Variants in MANEAL observed in about 807,000 individuals in gnomAD.
MANEAL encodes the protein glycoprotein endo-alpha-1,2-mannosidase-like protein.
Under a neutral mutation model 35.9 loss-of-function variants are expected in MANEAL, and 28 were observed. That is an observed-to-expected ratio of 0.78 (90% CI 0.58 to 1.07). The LOEUF is 1.07. Among genes scored for constraint, MANEAL ranks in the 50% least tolerant of loss-of-function variants. MANEAL has a pLI of 0.00. For synonymous variants in MANEAL, 286 were observed against 272.2 expected (o/e 1.05, Z -0.50); for missense variants, 576 against 629.6 (o/e 0.91, Z 0.91).
Position 37,799,541 on chromosome 1 carries a change from C to T in MANEAL, c.738-26C>T. ...AGCTGTGCTGGTCTCTCCCATCCAG[C>T]TGAGGCTCTTCTTTCTCCTTCTCAG... On this transcript the variant is annotated intron_variant, in intron 3 of 3. Transcript: ENST00000373045. The surrounding 1 kb of genome is among the most constrained non-coding windows in gnomAD (Gnocchi z 4.1). The T allele has an allele frequency of 6.2e-7, 1 of 1,603,004 alleles. No individual in the cohort carries two copies. Among genetic ancestry groups the T allele is most frequent in the Non-Finnish European group, 8.5e-7 (1 of 1,174,424 alleles).
rs1423507602 is a variant in MANEAL at position 37,795,696 on chromosome 1, G to T, written c.551-41G>T. The T allele has an allele frequency of 6.2e-6, 10 of 1,613,204 alleles. No homozygotes were observed. In the Admixed American group the frequency reaches 8.3e-5, roughly 13 times the overall value. On this transcript the variant is annotated intron_variant, in intron 1 of 3. Transcript: ENST00000373045. ...AGGAAAAAAATCTCTGTTGAGGGGGGTACTGTGTGTCTCTGAAGTGGCCTC... is the reference window on the plus strand; with the variant it reads ...AGGAAAAAAATCTCTGTTGAGGGGGTTACTGTGTGTCTCTGAAGTGGCCTC...
intron 2 of MANEAL, 33 bp downstream of exon 2, chr1:37,795,879 G>A: frequency 6.3e-7 from 1 of 1,586,998 alleles, no homozygotes; most frequent in Non-Finnish European, 8.7e-7. Context: ...CGTGCTCTCT[G>A]CCCTATTCTG....
chr1:37,798,354 TAG>T (rs1646663994), intron 3 of MANEAL, among the ~76,000 whole-genome samples: 1 of 152,200 alleles, frequency 6.6e-6, no homozygotes, highest in South Asian at 2.1e-4. Flanking sequence ...GATTTTGTGC[TAG>T]AGTGTGCCCA....
intron 2 of MANEAL, 114 bp from the exon 3 acceptor site, chr1:37,796,630 C>T: frequency 2.0e-6 from 2 of 1,004,544 alleles, no homozygotes; most frequent in South Asian, 3.1e-5. Context: ...CCACCACTGC[C>T]AGGCCCTCTT....
Position 37,794,315 on chromosome 1 carries a change from G to C in MANEAL, c.133G>C (p.Ala45Pro). 1 of 1,157,566 alleles carries C rather than the reference G, an allele frequency of 8.6e-7. No homozygotes were observed. Among genetic ancestry groups the C allele is most frequent in the Non-Finnish European group, 1.1e-6 (1 of 936,656 alleles). The allele number at this position is 1,157,566 out of a possible 1,614,324, so 71.7% of individuals were successfully genotyped here. ...GGCGCTGGGCCCGGGCCTGGAGCTG[G>C]CGCCCTTTGAGCGACGCCCAGAGGG... ...LPALGPGLELAPFERRPEGAP... is the reference protein window; with the variant it reads ...LPALGPGLELPPFERRPEGAP... The change falls in exon 1 of 4, where the codon GCG becomes CCG. Residue 45 changes from alanine to proline, a missense_variant. By Grantham distance (27) the Ala-to-Pro change is conservative (BLOSUM62 -1). Coordinates refer to ENST00000373045, the MANE Select transcript of MANEAL (RefSeq NM_001113482.2). This position sits in a 1 kb window ranked among gnomAD's most constrained non-coding sequence, Gnocchi z 5.7.
At chr1:37,796,959 G>A (rs1646650667) in intron 3 of MANEAL, 139 bp downstream of exon 3, 10 of 838,002 alleles carry the variant, frequency 1.2e-5, no homozygotes, top group Admixed American at 2.4e-5. Flanking sequence ...GAGAGTACTG[G>A]GCCTAAAGTC....
At position 37,794,169 on chromosome 1, in the gene MANEAL, G is replaced by C; in HGVS notation, c.-14G>C. ...GGGAGGTAGCGCGGCGGCTGCAGGA[G>C]CGCACAGTCGGCCATGGCCCGGCGG... On this transcript the variant is annotated 5_prime_UTR_variant, in exon 1 of 4. Transcript: ENST00000373045. The surrounding 1 kb of genome is among the most constrained non-coding windows in gnomAD (Gnocchi z 5.7). The C allele has an allele frequency of 8.2e-7, 1 of 1,219,580 alleles. No individual in the cohort carries two copies. Among genetic ancestry groups the C allele is most frequent in the South Asian group, 2.1e-5 (1 of 48,282 alleles). The allele number at this position is 1,219,580 out of a possible 1,614,324, so 75.5% of individuals were successfully genotyped here.
At position 37,795,847 on chromosome 1, in the gene MANEAL, G is replaced by C. The variant is rs751236333; in HGVS notation, c.660+1G>C. On this transcript the variant is annotated splice_donor_variant, in intron 2 of 3. Transcript: ENST00000373045. LOFTEE classifies it high-confidence loss of function. ...CACCGCCCATCAGTACAGCATCCAG[G>C]TGAGTCTCCAAGAAGAGGCCACGTG... The C allele has an allele frequency of 6.2e-7, 1 of 1,613,646 alleles. No individual in the cohort carries two copies. Among genetic ancestry groups the C allele is most frequent in the South Asian group, 1.1e-5 (1 of 91,074 alleles).
At chr1:37,796,877 G>A in intron 3 of MANEAL, 57 bp downstream of exon 3, 1 of 1,520,528 alleles carries the variant, frequency 6.6e-7, no homozygotes, top group Non-Finnish European at 9.0e-7. Context: ...GGTAGGGATA[G>A]AAGGTTTGGA....
rs1436386474 is a variant in MANEAL, at chr1:37,800,468, G to A, written c.*265G>A. On this transcript the variant is annotated 3_prime_UTR_variant, in exon 4 of 4. Transcript: ENST00000373045. ...AGCCCAGGGCAGCTCCACATCCTGG[G>A]AACACTTTCATGTAACCCCTTCTAG... is the stretch of plus-strand genomic sequence containing the variant. 2 of 537,464 alleles carry A rather than the reference G, an allele frequency of 3.7e-6. No homozygotes were observed. The highest frequency in any genetic ancestry group is 6.4e-5 in the East Asian group (2 of 31,430). 33.3% of individuals were successfully genotyped at this position (537,464 alleles called of 1,614,324 possible).
rs1646695631 is a variant in MANEAL at position 37,801,111 on chromosome 1, T to G, written c.*908T>G. 1 of 152,608 alleles carries G rather than the reference T, an allele frequency of 6.6e-6. No individual in the cohort carries two copies. The highest frequency in any genetic ancestry group is 2.1e-4 in the South Asian group (1 of 4,832). 9.5% of individuals were successfully genotyped at this position (152,608 alleles called of 1,614,324 possible). On this transcript the variant is annotated 3_prime_UTR_variant, in exon 4 of 4. Coordinates refer to ENST00000373045, the MANE Select transcript of MANEAL (RefSeq NM_001113482.2). ...CAGTGCTACTGTGATTAGTAGTAAT[T>G]AAATATGAACTGGTATTCTCAAGTA...
chr1:37,795,370 C>T (rs1646636454), intron 1 of MANEAL: 1 of 440,040 alleles, frequency 2.3e-6, no homozygotes, highest in Non-Finnish European at 3.2e-6. Flanking sequence ...GCTCAGGGCT[C>T]TTCTCCATGC....
intron 1 of MANEAL, 49 bp from the exon 2 acceptor site, chr1:37,795,688 T>C: frequency 6.2e-7 from 1 of 1,610,628 alleles, no homozygotes. Context: ...AAATCTCTGT[T>C]GAGGGGGGTA....
chr1:37,796,667 T>C, intron 2 of MANEAL, 77 bp from the exon 3 acceptor site: 1 of 1,335,856 alleles, frequency 7.5e-7, no homozygotes. Context: ...CTCCAGGCCA[T>C]GGTTAGATCC....
Position 37,799,874 on chromosome 1 carries a change from G to T in MANEAL, c.1045G>T (p.Ala349Ser), listed in dbSNP as rs781768866. The T allele has an allele frequency of 6.2e-7, 1 of 1,614,216 alleles. No homozygotes were observed. Among genetic ancestry groups the T allele is most frequent in the South Asian group, 1.1e-5 (1 of 91,084 alleles). ...NWKAVKNFCD[A>S]NNLMFIPSVG... is the part of the protein sequence containing the mutation. ...GAAAGCTGTGAAGAACTTTTGTGAT[G>T]CCAACAACCTCATGTTCATCCCCAG... The change falls in exon 4 of 4, where the codon GCC becomes TCC. Residue 349 changes from alanine to serine, a missense_variant. By Grantham distance (99) the Ala-to-Ser change is moderately conservative. Coordinates refer to ENST00000373045, the MANE Select transcript of MANEAL (RefSeq NM_001113482.2). This position sits in a 1 kb window ranked among gnomAD's most constrained non-coding sequence, Gnocchi z 4.1.
rs1646649210 is a variant in MANEAL, at chr1:37,796,800, C to T, written c.717C>T (p.Asn239=). 2 of 1,610,122 alleles carry T rather than the reference C, an allele frequency of 1.2e-6. No homozygotes were observed. Among genetic ancestry groups the T allele is most frequent in the Non-Finnish European group, 1.7e-6 (2 of 1,178,204 alleles). Residue 239 remains asparagine, a synonymous_variant, in exon 3 of 4, where the codon AAC becomes AAT. Coordinates refer to ENST00000373045, the MANE Select transcript of MANEAL (RefSeq NM_001113482.2). ...KGRDDITVHD[N]IKYIIDTYGS... ...GGGATGACATCACTGTACATGACAA[C>T]ATCAAGTACATCATTGACACGTAAG...
rs1646622856 is a variant in MANEAL, at chr1:37,794,235, T to C, written c.53T>C (p.Phe18Ser). 7.5e-7 allele frequency: 1 copy of C among 1,332,730 alleles called. No homozygotes were observed. The highest frequency in any genetic ancestry group is 9.8e-7 in the Non-Finnish European group (1 of 1,024,218). 82.6% of individuals were successfully genotyped at this position (1,332,730 alleles called of 1,614,324 possible). ...ATCGCTCTGTTCCTGGTGCTGCTCT[T>C]CGCCTTCGGCACCCTCATGGGTCTG... ...ACIALFLVLL[F>S]AFGTLMGLRT... Residue 18 changes from phenylalanine (F) to serine (S), a missense_variant, in exon 1 of 4, where the codon TTC (phenylalanine) becomes TCC (serine). This residue lies in a region of MANEAL where 122 missense variants were observed against 97.2 expected (regional missense o/e 1.26). Coordinates refer to ENST00000373045, the MANE Select transcript of MANEAL (RefSeq NM_001113482.2). The surrounding 1 kb of genome is among the most constrained non-coding windows in gnomAD (Gnocchi z 5.7).
Position 37,794,261 on chromosome 1 carries a change from C to T in MANEAL, c.79C>T (p.Arg27Cys), listed in dbSNP as rs1368319243. 1.5e-6 allele frequency: 2 copies of T among 1,310,072 alleles called. No individual in the cohort carries two copies. Among genetic ancestry groups the T allele is most frequent in the African/African-American group, 1.6e-5 (1 of 63,946 alleles). 81.2% of individuals were successfully genotyped at this position (1,310,072 alleles called of 1,614,324 possible). A position where few individuals can be genotyped will look rare whatever the true frequency, so the allele number is the denominator to read the frequency against. Residue 27 changes from arginine to cysteine, a missense_variant, in exon 1 of 4, where the codon CGC becomes TGC. Arg to Cys is a radical substitution (Grantham distance 180). Around this residue, in one of 3 missense-constraint regions of MANEAL, gnomAD observed 122 missense variants for 97.2 expected, o/e 1.26. Coordinates refer to ENST00000373045, the MANE Select transcript of MANEAL (RefSeq NM_001113482.2). This position sits in a 1 kb window ranked among gnomAD's most constrained non-coding sequence, Gnocchi z 5.7. ...LFAFGTLMGL[R>C]TLKAPDGLPA... ...CGCCTTCGGCACCCTCATGGGTCTG[C>T]GCACGCTCAAGGCTCCGGACGGACT...
At chr1:37,795,910 C>A in intron 2 of MANEAL, 64 bp downstream of exon 2, 2 of 1,446,302 alleles carry the variant, frequency 1.4e-6, no homozygotes, top group South Asian at 1.1e-5. Context: ...CTCCTCCGCC[C>A]ACAGGGTTAG....
Sources: gnomAD v4.1 joint callset for allele counts (sites outside exome capture counted in the v4.1 genomes callset) on GRCh38, gnomAD v4.1.1 for gene constraint, gnomAD v4.1.1 regional missense constraint, Gnocchi (gnomAD v3.1) non-coding constraint, MANE v1.5 for transcripts, NCBI Gene and HGNC (gene_info 2026-07-23, HGNC 2026-07-21) for gene names.